Variants in LTBP1 observed in about 807,000 individuals in gnomAD.
LTBP1 encodes latent-transforming growth factor beta-binding protein 1.
Under a neutral mutation model 207.6 loss-of-function variants are expected in LTBP1, and 129 were observed. That is an observed-to-expected ratio of 0.62 (90% confidence interval 0.54 to 0.72). LTBP1 has a LOEUF of 0.72. LTBP1 is among the 30% of genes least tolerant of loss of function. The probability of loss-of-function intolerance (pLI) is 0.00; values close to 1 mark genes in which losing one functional copy is unlikely to be tolerated. For synonymous variants in LTBP1, 963 were observed against 833.7 expected (o/e 1.16, Z -2.67); for missense variants, 2,281 against 2,217.2 (o/e 1.03, Z -0.58).
chr2:33,250,033 G>A (rs1173889118), intron 10 of LTBP1, among the ~76,000 whole-genome samples: 1 of 152,108 alleles, frequency 6.6e-6, no homozygotes, highest in Non-Finnish European at 1.5e-5. Flanking sequence ...TCCAGTCTGA[G>A]GTTAAAGATA....
chr2:33,315,147 T>C lies in LTBP1; in HGVS notation c.3608T>C (p.Ile1203Thr), dbSNP rs2094249386. The change falls in exon 24 of 34, where the codon ATT becomes ACT. Residue 1203 changes from isoleucine to threonine, a missense_variant. Around this residue, in one of 3 missense-constraint regions of LTBP1, gnomAD observed 1,671 missense variants for 1,634.8 expected, o/e 1.02. Coordinates refer to ENST00000404816, the MANE Select transcript of LTBP1 (RefSeq NM_206943.4). The stretch of plus-strand genomic sequence containing the variant: ...AAGACTCTATTTTAAATTACAGATA[T>C]TAATGAATGTGAACATCCAGGGCTC... Reference protein sequence around the residue: ...QLDDNKTCQDINECEHPGLCG... With the variant: ...QLDDNKTCQDTNECEHPGLCG... 6.3e-7 allele frequency: 1 copy of C among 1,597,268 alleles called. No individual in the cohort carries two copies. The highest frequency in any genetic ancestry group is 8.5e-7 in the Non-Finnish European group (1 of 1,176,168).
chr2:32,990,643 C>T lies in LTBP1; in HGVS notation c.566-30266C>T, dbSNP rs140321396. ...TAGTTTCTAATGAATGTTTGATAAA[C>T]TGTTAAATAAATGAGTATGTGTGTG... On this transcript the variant is annotated intron_variant, in intron 2 of 33. Coordinates refer to ENST00000404816, the MANE Select transcript of LTBP1 (RefSeq NM_206943.4). Among the ~76,000 whole-genome samples, 508 of 152,260 alleles carry T rather than the reference C, an allele frequency of 3.3e-3. 1 individual carries two copies. Among genetic ancestry groups the T allele is most frequent in the South Asian group, 0.011 (52 of 4,822 alleles).
intron 8 of LTBP1, among the ~76,000 whole-genome samples, chr2:33,219,161 T>G (rs1330581859): frequency 6.6e-6 from 1 of 152,208 alleles, no homozygotes; most frequent in African/African-American, 2.4e-5. Flanking sequence ...GACTAACTTG[T>G]GGAAATGCCC....
chr2:33,283,419 AT>A (rs1419586222), intron 19 of LTBP1, among the ~76,000 whole-genome samples: 147 of 147,094 alleles, frequency 1.0e-3, no homozygotes, highest in African/African-American at 3.5e-3. Context: ...CCGTGATAAC[AT>A]TAAAGACTTT....
At chr2:33,358,321 T>G (rs2094888832) in intron 26 of LTBP1, among the ~76,000 whole-genome samples, 1 of 152,090 alleles carries the variant, frequency 6.6e-6, no homozygotes, top group Non-Finnish European at 1.5e-5. Flanking sequence ...GTTTTATTTC[T>G]TAGTTTGTAT....
chr2:33,309,984 G>C (rs1248613221), intron 23 of LTBP1, among the ~76,000 whole-genome samples: 2 of 135,236 alleles, frequency 1.5e-5, no homozygotes, highest in Non-Finnish European at 3.1e-5. Flanking sequence ...TCTCGCTCTT[G>C]TCACCCAGGT....
intron 7 of LTBP1, among the ~76,000 whole-genome samples, chr2:33,204,256 T>C (rs1373871291): frequency 6.6e-6 from 1 of 152,126 alleles, no homozygotes; most frequent in Non-Finnish European, 1.5e-5. Context: ...AATTTATATA[T>C]AGAATTGAAT....
At chr2:33,146,991 A>T (rs1483351859) in intron 5 of LTBP1, among the ~76,000 whole-genome samples, 31 of 152,172 alleles carry the variant, frequency 2.0e-4, no homozygotes, top group Admixed American at 2.0e-3. Flanking sequence ...TGACTTAATG[A>T]AGCCCCTGGA....
chr2:33,338,983 G>A (rs895920505), intron 24 of LTBP1, among the ~76,000 whole-genome samples: 1 of 152,132 alleles, frequency 6.6e-6, no homozygotes, highest in Non-Finnish European at 1.5e-5. Context: ...GCAAGGGAAT[G>A]GTACTGGTGA....
At chr2:33,232,513 A>G (rs1448211247) in intron 9 of LTBP1, among the ~76,000 whole-genome samples, 1 of 152,130 alleles carries the variant, frequency 6.6e-6, no homozygotes, top group Admixed American at 6.6e-5. Context: ...TCCCTCATAT[A>G]GCTAATAGTT....
chr2:33,114,781 G>A (rs1242175955), intron 4 of LTBP1, among the ~76,000 whole-genome samples: 1 of 152,046 alleles, frequency 6.6e-6, no homozygotes, highest in Non-Finnish European at 1.5e-5. Context: ...ATTTTTATGG[G>A]ATGAAGCAGT....
chr2:33,272,516 A>G (rs2093344071), intron 15 of LTBP1, among the ~76,000 whole-genome samples: 2 of 152,264 alleles, frequency 1.3e-5, no homozygotes, highest in African/African-American at 2.4e-5. Flanking sequence ...AATGACTTCA[A>G]TATGAACAAT....
chr2:32,958,028 T>A (rs1203971530), intron 2 of LTBP1, among the ~76,000 whole-genome samples: 1 of 152,174 alleles, frequency 6.6e-6, no homozygotes, highest in East Asian at 1.9e-4. Context: ...CTCCTCTTCC[T>A]CCCCTTACTT....
intron 9 of LTBP1, among the ~76,000 whole-genome samples, chr2:33,240,069 G>A (rs2092247871): frequency 1.3e-5 from 2 of 152,190 alleles, no homozygotes; most frequent in Admixed American, 6.5e-5. Context: ...AGGCAATGAA[G>A]TCCAAATAGA....
chr2:33,257,302 G>C lies in LTBP1; in HGVS notation c.2186G>C (p.Cys729Ser). 1.2e-6 allele frequency: 2 copies of C among 1,613,882 alleles called. No individual in the cohort carries two copies. The highest frequency in any genetic ancestry group is 1.7e-6 in the Non-Finnish European group (2 of 1,179,726). The change falls in exon 12 of 34, where the codon TGT becomes TCT. Residue 729 changes from cysteine to serine, a missense_variant. This residue lies in a region of LTBP1 where 1,671 missense variants were observed against 1,634.8 expected (regional missense o/e 1.02). Transcript: ENST00000404816. Reference sequence around the variant, plus strand: ...AATCTAGCTGCTTTTAAGGAAATCTGTCCTGGTGGAATGGGTTATACGGTT... The same window carrying C: ...AATCTAGCTGCTTTTAAGGAAATCTCTCCTGGTGGAATGGGTTATACGGTT... The part of the protein sequence containing the change: ...LPGTAAFKEI[C>S]PGGMGYTVSG...
intron 20 of LTBP1, among the ~76,000 whole-genome samples, chr2:33,297,435 AT>A (rs2093900500): frequency 6.7e-6 from 1 of 149,596 alleles, no homozygotes; most frequent in Non-Finnish European, 1.5e-5. Flanking sequence ...TTATTTATTT[AT>A]TTATTTATTT....
At chr2:33,151,695 T>C (rs1397222877) in intron 5 of LTBP1, among the ~76,000 whole-genome samples, 2 of 152,184 alleles carry the variant, frequency 1.3e-5, no homozygotes, top group Non-Finnish European at 2.9e-5. Context: ...CTCCCACATA[T>C]CAGTGAAAAC....
At chr2:33,254,128 G>C (rs527487961) in intron 11 of LTBP1, among the ~76,000 whole-genome samples, 1 of 151,218 alleles carries the variant, frequency 6.6e-6, no homozygotes, top group Non-Finnish European at 1.5e-5. Flanking sequence ...GTGGTCTGCC[G>C]GCCTCAGCCT....
At chr2:33,234,236 C>G (rs1424633435) in intron 9 of LTBP1, among the ~76,000 whole-genome samples, 1 of 152,070 alleles carries the variant, frequency 6.6e-6, no homozygotes, top group Non-Finnish European at 1.5e-5. Flanking sequence ...CCCCATTGCC[C>G]CAAAGTTACA....
Sources: gnomAD v4.1 joint callset for allele counts (sites outside exome capture counted in the v4.1 genomes callset) on GRCh38, gnomAD v4.1.1 for gene constraint, gnomAD v4.1.1 regional missense constraint, MANE v1.5 for transcripts, NCBI Gene and HGNC (gene_info 2026-07-23, HGNC 2026-07-21) for gene names.